Variants in CLCN3 observed in about 807,000 individuals in gnomAD.
The protein encoded by CLCN3 is H(+)/Cl(-) exchange transporter 3.
CLCN3 carries 16 observed loss-of-function variants against 83.4 expected under a neutral mutation model. The ratio of observed to expected loss-of-function variants is 0.19; its 90% confidence interval spans 0.13 to 0.29. The LOEUF (loss-of-function observed/expected upper bound fraction) is 0.29, where lower values mean the gene tolerates loss of function less well. Ranked by LOEUF, CLCN3 falls within the 10% of genes least tolerant of loss-of-function variation. CLCN3 has a pLI of 1.00. For synonymous variants in CLCN3, 322 were observed against 346.2 expected (o/e 0.93, Z 0.78); for missense variants, 544 against 1,006.0 (o/e 0.54, Z 6.21).
intron 2 of CLCN3, among the ~76,000 whole-genome samples, chr4:169,670,265 C>A (rs879866160): frequency 2.6e-5 from 4 of 152,108 alleles, no homozygotes; most frequent in Admixed American, 2.0e-4. Flanking sequence ...AGCCTCAAAT[C>A]GATCTTGAGT....
Position 169,689,159 on chromosome 4 carries a change from A to G in CLCN3, c.535A>G (p.Thr179Ala). 6.2e-7 allele frequency: 1 copy of G among 1,613,960 alleles called. No individual in the cohort carries two copies. The highest frequency in any genetic ancestry group is 1.7e-5 in the Admixed American group (1 of 59,984). Residue 179 changes from threonine (T) to alanine (A), a missense_variant, in exon 5 of 13, where the codon ACA (threonine) becomes GCA (alanine). By Grantham distance (58) the Thr-to-Ala change is moderately conservative. This residue lies in a region of CLCN3 where 96 missense variants were observed against 202.1 expected (regional missense o/e 0.48). Transcript: ENST00000513761. ...ACAGTGCTGTTGGGGATCTAATGAA[A>G]CAACATTTGAAGAGAGGGATAAATG... ...HEQCCWGSNETTFEERDKCPQ... is the reference protein window; with the variant it reads ...HEQCCWGSNEATFEERDKCPQ...
intron 7 of CLCN3, 126 bp from the exon 8 acceptor site, chr4:169,695,486 G>T: frequency 1.4e-6 from 1 of 705,398 alleles, no homozygotes. Flanking sequence ...CTTTGCTTAG[G>T]GAGCAAGGAA....
intron 7 of CLCN3, among the ~76,000 whole-genome samples, chr4:169,693,951 G>A (rs185952761): frequency 1.1e-4 from 16 of 152,126 alleles, no homozygotes; most frequent in Admixed American, 8.5e-4. Flanking sequence ...AGAGGGGAGA[G>A]CGTTGATATT....
intron 1 of CLCN3, among the ~76,000 whole-genome samples, chr4:169,630,334 CT>C (rs1773338227): frequency 6.6e-6 from 1 of 152,090 alleles, no homozygotes; most frequent in Non-Finnish European, 1.5e-5. Flanking sequence ...ATCTGTACAT[CT>C]GTGAGTACCT....
chr4:169,669,142 T>C (rs1731364537), intron 2 of CLCN3, among the ~76,000 whole-genome samples: 1 of 152,182 alleles, frequency 6.6e-6, no homozygotes, highest in African/African-American at 2.4e-5. Context: ...AAATGGATAA[T>C]ATGATTATTT....
rs1359442667 is a variant in CLCN3, at chr4:169,676,684, GAT to G, written c.161-3365_161-3364del. Among the ~76,000 whole-genome samples, 85 of 141,336 alleles carry G rather than the reference GAT, an allele frequency of 6.0e-4. 1 individual carries two copies. Among genetic ancestry groups the G allele is most frequent in the African/African-American group, 2.2e-3 (82 of 37,634 alleles). The allele number at this position is 141,336 out of a possible 152,430, so 92.7% of individuals were successfully genotyped here. On this transcript the variant is annotated intron_variant, in intron 2 of 12. Coordinates refer to ENST00000513761, the MANE Select transcript of CLCN3 (RefSeq NM_001829.4). ...TTTTTTTTTTTGTATTTTTAGTAGA[GAT>G]GAGGTTTTGCCATGTTGCCCAAGCT...
chr4:169,660,148 A>G (rs1731002810), intron 2 of CLCN3: 1 of 1,118,500 alleles, frequency 8.9e-7, no homozygotes, highest in Non-Finnish European at 1.1e-6. Flanking sequence ...AAGCCTTGCT[A>G]GATTGTAGCC....
intron 12 of CLCN3, among the ~76,000 whole-genome samples, chr4:169,718,562 G>C (rs1382783778): frequency 6.6e-6 from 1 of 152,160 alleles, no homozygotes. Flanking sequence ...AGCTTTTAGA[G>C]TCAAATGCAT....
chr4:169,668,998 G>A (rs1230231705), intron 2 of CLCN3, among the ~76,000 whole-genome samples: 1 of 152,150 alleles, frequency 6.6e-6, no homozygotes, highest in East Asian at 1.9e-4. Flanking sequence ...CCTTCACCAG[G>A]ACTGCATGCA....
intron 1 of CLCN3, among the ~76,000 whole-genome samples, chr4:169,624,391 C>T (rs1448894851): frequency 1.3e-5 from 2 of 152,162 alleles, no homozygotes; most frequent in Non-Finnish European, 2.9e-5. Flanking sequence ...GCCTCGGCCA[C>T]CCAAAGTGCT....
chr4:169,691,632 A>C (rs1732377051), intron 6 of CLCN3, among the ~76,000 whole-genome samples: 1 of 152,202 alleles, frequency 6.6e-6, no homozygotes, highest in Non-Finnish European at 1.5e-5. Flanking sequence ...TTTCATAAAA[A>C]GCAATATCAT....
intron 5 of CLCN3, 63 bp from the exon 6 acceptor site, chr4:169,690,467 A>C (rs1347293532): frequency 6.5e-7 from 1 of 1,530,844 alleles, no homozygotes; most frequent in African/African-American, 1.4e-5. Context: ...TTCTTATGAC[A>C]AGCATTTGCA....
At chr4:169,664,095 G>A (rs1428654412) in intron 2 of CLCN3, among the ~76,000 whole-genome samples, 1 of 152,206 alleles carries the variant, frequency 6.6e-6, no homozygotes, top group Non-Finnish European at 1.5e-5. Flanking sequence ...AATGCCTAGT[G>A]TGTTGCTCTT....
rs762234953 is a variant in CLCN3, at chr4:169,713,194, T to C, written c.2265T>C (p.Leu755=). The C allele has an allele frequency of 6.2e-6, 10 of 1,614,142 alleles. No individual in the cohort carries two copies. The highest frequency in any genetic ancestry group is 8.5e-6 in the Non-Finnish European group (10 of 1,180,008). Residue 755 remains leucine (L), a synonymous_variant, in exon 12 of 13, where the codon CTT becomes CTC. Transcript: ENST00000513761. ...SPRPLKLRSI[L]DMSPFTVTDH... The stretch of plus-strand genomic sequence containing the variant: ...GGCCATTGAAGCTTCGAAGCATTCT[T>C]GACATGAGCCCTTTTACAGTGACAG...
At chr4:169,659,149 TTTGTTG>T (rs897055656) in intron 2 of CLCN3, among the ~76,000 whole-genome samples, 1 of 151,996 alleles carries the variant, frequency 6.6e-6, no homozygotes, top group African/African-American at 2.4e-5. Context: ...AACAACACCT[TTTGTTG>T]TTGTTGTTGT....
intron 4 of CLCN3, among the ~76,000 whole-genome samples, chr4:169,688,792 A>T (rs1214918394): frequency 6.6e-6 from 1 of 152,192 alleles, no homozygotes; most frequent in African/African-American, 2.4e-5. Context: ...TCTTTTAAAC[A>T]TTGTTTTTCA....
intron 3 of CLCN3, among the ~76,000 whole-genome samples, chr4:169,682,977 A>G (rs1732004828): frequency 6.6e-6 from 1 of 152,254 alleles, no homozygotes; most frequent in Admixed American, 6.5e-5. Flanking sequence ...AGGTGCCAGT[A>G]GACCGTACTT....
At chr4:169,682,930 C>G (rs541367746) in intron 3 of CLCN3, among the ~76,000 whole-genome samples, 1 of 152,204 alleles carries the variant, frequency 6.6e-6, no homozygotes, top group East Asian at 1.9e-4. Context: ...ACAGTTTTAT[C>G]TTGCAGACCC....
At chr4:169,660,369 C>T in intron 2 of CLCN3, 1 of 1,402,108 alleles carries the variant, frequency 7.1e-7, no homozygotes, top group Non-Finnish European at 9.2e-7. Flanking sequence ...AAATTCTAAT[C>T]ATGGATGCTT....
Sources: allele counts gnomAD v4.1 joint callset (sites outside exome capture counted in the v4.1 genomes callset), GRCh38; gene constraint gnomAD v4.1.1; regional missense constraint gnomAD v4.1.1; transcripts MANE v1.5; gene names NCBI Gene and HGNC (gene_info 2026-07-23, HGNC 2026-07-21).